RAPGEF1: variants seen among roughly 807,000 people sequenced by gnomAD.
RAPGEF1 encodes CRK SH3-binding GNRP.
Under a neutral mutation model 143.3 loss-of-function variants are expected in RAPGEF1, and 33 were observed. The ratio of observed to expected loss-of-function variants is 0.23; its 90% confidence interval spans 0.17 to 0.31. The LOEUF (loss-of-function observed/expected upper bound fraction) is 0.31. RAPGEF1 is among the 10% of genes least tolerant of loss of function. The pLI is 1.00. For missense variants in RAPGEF1, 1,199 were observed against 1,645.4 expected, an observed-to-expected ratio of 0.73 and a Z score of 4.69; for synonymous variants, 629 against 676.5, an observed-to-expected ratio of 0.93 and a Z score of 1.09.
rs888936635 is a variant in RAPGEF1 at position 131,655,432 on chromosome 9, C to T, written c.62-4483G>A. 6.6e-6 allele frequency among the ~76,000 whole-genome samples: 1 copy of T among 152,242 alleles called. No individual in the cohort carries two copies. Among genetic ancestry groups the T allele is most frequent in the African/African-American group, 2.4e-5 (1 of 41,460 alleles). The stretch of plus-strand genomic sequence containing the variant: ...CCCTCATATGTCAGCAGTCATCCCT[C>T]GCATTCAAATGAACTGGGATGGTGT... On this transcript the variant is annotated intron_variant, in intron 1 of 26. Transcript: ENST00000683357. This position sits in a 1 kb window ranked among gnomAD's most constrained non-coding sequence, Gnocchi z 4.1.
At chr9:131,673,629 T>C (rs1831762597) in intron 1 of RAPGEF1, among the ~76,000 whole-genome samples, 1 of 152,172 alleles carries the variant, frequency 6.6e-6, no homozygotes, top group African/African-American at 2.4e-5. Context: ...ACAGGTCCTC[T>C]GCAGATGGTT....
chr9:131,581,534 A>T (rs1951865739), intron 25 of RAPGEF1, among the ~76,000 whole-genome samples: 2 of 143,370 alleles, frequency 1.4e-5, no homozygotes, highest in Admixed American at 6.9e-5. Context: ...ACTAAAAAAA[A>T]TACAAAAAAA....
intron 1 of RAPGEF1, among the ~76,000 whole-genome samples, chr9:131,693,705 A>G (rs1833936602): frequency 6.6e-6 from 1 of 152,140 alleles, no homozygotes; most frequent in Admixed American, 6.5e-5. Context: ...AGGTCTTTAC[A>G]TTGTTGTAAT....
chr9:131,601,767 C>T (rs995574225), intron 15 of RAPGEF1, among the ~76,000 whole-genome samples: 2 of 151,560 alleles, frequency 1.3e-5, no homozygotes, highest in African/African-American at 2.4e-5. Context: ...ATCAGCTGGG[C>T]GTGGTACTGC....
chr9:131,729,978 A>C (rs1339035761), intron 1 of RAPGEF1, among the ~76,000 whole-genome samples: 7 of 151,918 alleles, frequency 4.6e-5, no homozygotes, highest in Non-Finnish European at 7.4e-5. Context: ...GCAGATCACG[A>C]GGTCAGGAGA....
intron 5 of RAPGEF1, among the ~76,000 whole-genome samples, chr9:131,635,233 A>AT (rs778418909): frequency 6.6e-6 from 1 of 152,108 alleles, no homozygotes; most frequent in Non-Finnish European, 1.5e-5. Flanking sequence ...ATCTTACTGA[A>AT]TTTCCTCAAA....
chr9:131,661,261 T>C (rs779563469), intron 1 of RAPGEF1, among the ~76,000 whole-genome samples: 13 of 152,192 alleles, frequency 8.5e-5, no homozygotes, highest in Non-Finnish European at 4.4e-5. Context: ...CGTCGCACAG[T>C]GGAATATCAT....
At chr9:131,696,852 C>T (rs1834221175) in intron 1 of RAPGEF1, among the ~76,000 whole-genome samples, 1 of 152,160 alleles carries the variant, frequency 6.6e-6, no homozygotes, top group African/African-American at 2.4e-5. Context: ...ATAAACACAA[C>T]AACATGTGAA....
At chr9:131,662,611 G>A (rs573237045) in intron 1 of RAPGEF1, among the ~76,000 whole-genome samples, 1 of 150,928 alleles carries the variant, frequency 6.6e-6, no homozygotes, top group Non-Finnish European at 1.5e-5. Flanking sequence ...GCAGTGGCAC[G>A]ATCTCGGCTC....
At chr9:131,627,635 GA>G (rs1420229554) in intron 9 of RAPGEF1, among the ~76,000 whole-genome samples, 13 of 152,196 alleles carry the variant, frequency 8.5e-5, no homozygotes. Context: ...TTTTGGTAAA[GA>G]GAGTCAAATT....
At chr9:131,587,011 AACACACACAC>A (rs35594696) in intron 22 of RAPGEF1, among the ~76,000 whole-genome samples, 1 of 23,892 alleles carries the variant, frequency 4.2e-5, no homozygotes, top group African/African-American at 2.9e-4. Flanking sequence ...CTCCGTCTCA[AACACACACAC>A]ACACACACAC....
chr9:131,714,714 T>C (rs1377825422), intron 1 of RAPGEF1, among the ~76,000 whole-genome samples: 1 of 148,986 alleles, frequency 6.7e-6, no homozygotes, highest in Non-Finnish European at 1.5e-5. Flanking sequence ...CCTTTTTTTT[T>C]TTTTTTTTTT....
chr9:131,655,261 C>A lies in RAPGEF1; in HGVS notation c.62-4312G>T, dbSNP rs143515014. Among the ~76,000 whole-genome samples the A allele has an allele frequency of 1.7e-4, 26 of 152,322 alleles. No homozygotes were observed. Among genetic ancestry groups the A allele is most frequent in the African/African-American group, 6.3e-4 (26 of 41,574 alleles). On this transcript the variant is annotated intron_variant, in intron 1 of 26. Coordinates refer to ENST00000683357, the MANE Select transcript of RAPGEF1 (RefSeq NM_001377935.1). The surrounding 1 kb of genome is among the most constrained non-coding windows in gnomAD (Gnocchi z 4.1). ...TGACCCGCATTCACATGTGGTCAAACCAAACAGCTTCACAGCTGTGTGATG... is the reference window on the plus strand; with the variant it reads ...TGACCCGCATTCACATGTGGTCAAAACAAACAGCTTCACAGCTGTGTGATG...
chr9:131,620,289 A>G, intron 11 of RAPGEF1, among the ~76,000 whole-genome samples: 1 of 135,070 alleles, frequency 7.4e-6, no homozygotes, highest in African/African-American at 2.9e-5. Flanking sequence ...TTTTTTTTTT[A>G]GACAGGGTCT....
intron 3 of RAPGEF1, among the ~76,000 whole-genome samples, chr9:131,645,985 C>G (rs1969487255): frequency 6.6e-6 from 1 of 152,176 alleles, no homozygotes; most frequent in Admixed American, 6.5e-5. Context: ...CAACATTTAA[C>G]AGGCACTATA....
At chr9:131,638,938 A>G in intron 4 of RAPGEF1, 147 bp from the exon 5 acceptor site, 2 of 759,806 alleles carry the variant, frequency 2.6e-6, no homozygotes, top group Non-Finnish European at 4.1e-6. Flanking sequence ...AACTTCTCCC[A>G]TGAGACTTTT....
intron 1 of RAPGEF1, among the ~76,000 whole-genome samples, chr9:131,712,507 C>T (rs1835580179): frequency 1.3e-5 from 2 of 152,198 alleles, no homozygotes; most frequent in South Asian, 4.1e-4. Flanking sequence ...TTAGCTCAGG[C>T]CACTCTGGGC....
intron 3 of RAPGEF1, among the ~76,000 whole-genome samples, chr9:131,643,998 G>A (rs1337460653): frequency 6.6e-6 from 1 of 152,142 alleles, no homozygotes; most frequent in Admixed American, 6.5e-5. Flanking sequence ...GAAGCTCCCA[G>A]GGCTAGAAGG....
intron 3 of RAPGEF1, among the ~76,000 whole-genome samples, chr9:131,647,211 G>A (rs191597690): frequency 6.6e-6 from 1 of 152,314 alleles, no homozygotes; most frequent in East Asian, 1.9e-4. Context: ...CTAAGAAGAT[G>A]CAAGAGACTG....
Sources: allele counts gnomAD v4.1 joint callset (sites outside exome capture counted in the v4.1 genomes callset), GRCh38; gene constraint gnomAD v4.1.1; non-coding constraint Gnocchi (gnomAD v3.1); transcripts MANE v1.5; gene names NCBI Gene and HGNC (gene_info 2026-07-23, HGNC 2026-07-21).